Variants in RASAL2 observed in about 807,000 individuals in gnomAD.
RASAL2 encodes ras GTPase-activating protein nGAP.
In RASAL2, 58 loss-of-function variants were observed where a neutral mutation model predicts 128.9. That is an observed-to-expected ratio of 0.45 (90% CI 0.36 to 0.56). The LOEUF (loss-of-function observed/expected upper bound fraction) is 0.56, where lower values mean the gene tolerates loss of function less well. RASAL2 is among the 20% of genes least tolerant of loss of function. RASAL2 has a pLI of 0.00. For missense variants in RASAL2, 1,360 were observed against 1,601.6 expected, an observed-to-expected ratio of 0.85 and a Z score of 2.57; for synonymous variants, 561 against 580.8, an observed-to-expected ratio of 0.97 and a Z score of 0.49.
intron 1 of RASAL2, among the ~76,000 whole-genome samples, chr1:178,270,439 C>G (rs746099745): frequency 1.3e-5 from 2 of 150,798 alleles, no homozygotes; most frequent in Non-Finnish European, 3.0e-5. Context: ...TTTTTCATTT[C>G]TGCTATTATG....
intron 1 of RASAL2, among the ~76,000 whole-genome samples, chr1:178,134,573 T>A (rs921299206): frequency 2.6e-5 from 4 of 151,990 alleles, no homozygotes; most frequent in Non-Finnish European, 5.9e-5. Flanking sequence ...AGGAGACCGA[T>A]GATTAACAGC....
At chr1:178,286,545 G>A (rs984785284) in intron 2 of RASAL2, among the ~76,000 whole-genome samples, 26 of 152,064 alleles carry the variant, frequency 1.7e-4, no homozygotes, top group African/African-American at 6.3e-4. Context: ...CGAGTAGCTG[G>A]GATTACAGGC....
At chr1:178,462,891 G>A (rs1208514232) in intron 14 of RASAL2, among the ~76,000 whole-genome samples, 3 of 151,982 alleles carry the variant, frequency 2.0e-5, no homozygotes, top group Admixed American at 6.6e-5. Context: ...TCTGTAAATC[G>A]ACTAAACCAG....
At chr1:178,332,097 GT>G (rs1205261358) in intron 3 of RASAL2, among the ~76,000 whole-genome samples, 5 of 152,060 alleles carry the variant, frequency 3.3e-5, no homozygotes, top group Non-Finnish European at 7.4e-5. Flanking sequence ...AATTTTAAAT[GT>G]TTTTTGGATT....
chr1:178,436,587 A>C (rs1676268732), intron 5 of RASAL2, among the ~76,000 whole-genome samples: 1 of 152,116 alleles, frequency 6.6e-6, no homozygotes, highest in South Asian at 2.1e-4. Context: ...CACGGTAGGC[A>C]CTGTAAAGGA....
In RASAL2 at chr1:178,319,127, A is replaced by T. The variant is rs1017075094; in HGVS notation, c.457+19009A>T. On this transcript the variant is annotated intron_variant, in intron 3 of 17. Coordinates refer to ENST00000367649, the MANE Select transcript of RASAL2 (RefSeq NM_170692.4). ...AAGAATGTTGAATATTGGCCCCCAC[A>T]CTCTTCTGGCTTGTAGGATTTCTGC... is the stretch of plus-strand genomic sequence containing the variant. Among the ~76,000 whole-genome samples the T allele has an allele frequency of 4.6e-4, 69 of 151,378 alleles. 1 individual carries two copies. Among genetic ancestry groups the T allele is most frequent in the African/African-American group, 1.5e-3 (60 of 41,304 alleles).
Position 178,384,280 on chromosome 1 carries a change from A to G in RASAL2, c.458-5820A>G, listed in dbSNP as rs1030584807. On this transcript the variant is annotated intron_variant, in intron 3 of 17. Transcript: ENST00000367649. ...TCTATTGTAACTTGAGAATTTTACT[A>G]TGATATTTTAGTTTCTTATATAATT... Among the ~76,000 whole-genome samples, 12 of 152,330 alleles carry G rather than the reference A, an allele frequency of 7.9e-5. 1 individual carries two copies. The highest frequency in any genetic ancestry group is 2.9e-4 in the African/African-American group (12 of 41,566).
intron 1 of RASAL2, among the ~76,000 whole-genome samples, chr1:178,112,195 T>C (rs943817677): frequency 1.3e-5 from 2 of 152,220 alleles, no homozygotes; most frequent in African/African-American, 2.4e-5. Flanking sequence ...TTAATTTTGA[T>C]GAGGTTGATT....
intron 4 of RASAL2, among the ~76,000 whole-genome samples, chr1:178,414,239 A>C (rs777742735): frequency 1.3e-5 from 2 of 152,210 alleles, no homozygotes; most frequent in Admixed American, 1.3e-4. Flanking sequence ...AATGTATGAC[A>C]TTCTAGAAAA....
chr1:178,390,360 A>G (rs1046173703), intron 4 of RASAL2, among the ~76,000 whole-genome samples, 154 bp downstream of exon 4: 1 of 152,104 alleles, frequency 6.6e-6, no homozygotes, highest in Non-Finnish European at 1.5e-5. Flanking sequence ...AACTTGTGTA[A>G]ATTAACTGTG....
In RASAL2 at chr1:178,276,054, A is replaced by G. The variant is rs899915021; in HGVS notation, c.203-7510A>G. Among the ~76,000 whole-genome samples the G allele has an allele frequency of 2.6e-5, 4 of 152,352 alleles. No homozygotes were observed. In the East Asian group the frequency reaches 5.8e-4, roughly 22 times the overall value. ...CTGACCTAATGACTATATCTTAAAC[A>G]TATTGAATGATTACTTAGTATCCAT... On this transcript the variant is annotated intron_variant, in intron 1 of 17. Transcript: ENST00000367649.
At chr1:178,215,258 T>C (rs1663388002) in intron 1 of RASAL2, among the ~76,000 whole-genome samples, 1 of 152,244 alleles carries the variant, frequency 6.6e-6, no homozygotes, top group African/African-American at 2.4e-5. Flanking sequence ...TAGCCTCTCT[T>C]TCATTAGCAG....
At position 178,395,789 on chromosome 1, in the gene RASAL2, A is replaced by ATT. The variant is rs1553226784; in HGVS notation, c.564+5584_564+5585insTT. Among the ~76,000 whole-genome samples the ATT allele has an allele frequency of 1.4e-4, 20 of 144,354 alleles. 1 individual carries two copies. Among genetic ancestry groups the ATT allele is most frequent in the African/African-American group, 4.0e-4 (15 of 37,254 alleles). The allele number at this position is 144,354 out of a possible 152,430, so 94.7% of individuals were successfully genotyped here. ...ATGAACAGTATATATATATATATAT[A>ATT]TATTTATTTATTCATATGTGTATGA... is the stretch of plus-strand genomic sequence containing the variant. On this transcript the variant is annotated intron_variant, in intron 4 of 17. Coordinates refer to ENST00000367649, the MANE Select transcript of RASAL2 (RefSeq NM_170692.4).
intron 1 of RASAL2, among the ~76,000 whole-genome samples, chr1:178,103,656 G>T (rs1436608533): frequency 1.3e-5 from 2 of 151,696 alleles, no homozygotes; most frequent in Admixed American, 1.3e-4. Context: ...CCTTTTCTGT[G>T]AACTGTACAT....
chr1:178,336,799 C>T (rs1295453565), intron 3 of RASAL2, among the ~76,000 whole-genome samples: 6 of 151,996 alleles, frequency 3.9e-5, no homozygotes, highest in Non-Finnish European at 8.8e-5. Context: ...CCAACACTAT[C>T]CGAAAATACT....
intron 1 of RASAL2, among the ~76,000 whole-genome samples, chr1:178,122,838 ATTT>A (rs5778973): frequency 3.5e-5 from 5 of 141,600 alleles, no homozygotes; most frequent in Admixed American, 7.1e-5. Context: ...CTTACTTTCC[ATTT>A]TTTTTTTTTT....
chr1:178,234,282 T>C (rs1017972998), intron 1 of RASAL2, among the ~76,000 whole-genome samples: 1 of 152,210 alleles, frequency 6.6e-6, no homozygotes, highest in African/African-American at 2.4e-5. Flanking sequence ...TGTTATCTCT[T>C]CATAAACATT....
intron 3 of RASAL2, among the ~76,000 whole-genome samples, chr1:178,340,254 A>G (rs1185515213): frequency 1.3e-5 from 2 of 152,198 alleles, no homozygotes; most frequent in Non-Finnish European, 2.9e-5. Context: ...TGATAGATTA[A>G]TACTGTGTCA....
At chr1:178,439,617 C>T (rs777526626) in intron 6 of RASAL2, 42 bp downstream of exon 6, 2 of 1,587,858 alleles carry the variant, frequency 1.3e-6, no homozygotes, top group Non-Finnish European at 8.6e-7. Flanking sequence ...AGTTAAACAA[C>T]AATTGGATTT....
Sources: allele counts gnomAD v4.1 joint callset (sites outside exome capture counted in the v4.1 genomes callset), GRCh38; gene constraint gnomAD v4.1.1; transcripts MANE v1.5; gene names NCBI Gene and HGNC (gene_info 2026-07-23, HGNC 2026-07-21).